The following CDH20 variants were observed in gnomAD, a reference collection of about 807,000 sequenced individuals.
The protein encoded by CDH20 is cadherin 20.
In CDH20, 29 loss-of-function variants were observed where a neutral mutation model predicts 74.2. The observed-to-expected ratio is 0.39, with a 90% confidence interval of 0.29 to 0.53. The LOEUF (loss-of-function observed/expected upper bound fraction) is 0.53, where lower values mean the gene tolerates loss of function less well. Ranked by LOEUF, CDH20 falls within the 20% of genes least tolerant of loss-of-function variation. The pLI is 0.69. For missense variants in CDH20, 988 were observed against 1,048.3 expected (o/e 0.94, Z 0.79); for synonymous variants, 469 against 405.4 (o/e 1.16, Z -1.88).
At chr18:61,347,097 G>T (rs1373408028) in intron 1 of CDH20, among the ~76,000 whole-genome samples, 1 of 151,416 alleles carries the variant, frequency 6.6e-6, no homozygotes, top group Non-Finnish European at 1.5e-5. Context: ...AGGAATGGGA[G>T]AATATGTGGA....
chr18:61,538,578 C>CTTTT (rs148829012), intron 8 of CDH20, among the ~76,000 whole-genome samples: 1 of 34,994 alleles, frequency 2.9e-5, no homozygotes. Flanking sequence ...TAAATAACTA[C>CTTTT]TTTTTGTTTG....
intron 1 of CDH20, among the ~76,000 whole-genome samples, chr18:61,442,371 AAAAAAAAAAAAAAC>A (rs1184486162): frequency 1.4e-3 from 1 of 730 alleles, no homozygotes; most frequent in Non-Finnish European, 0.056. Flanking sequence ...AAAAGAAAAG[AAAAAAAAAAAAAAC>A]AGAAGCAAAT....
intron 9 of CDH20, among the ~76,000 whole-genome samples, chr18:61,539,371 T>C (rs549197873): frequency 2.6e-5 from 4 of 152,310 alleles, no homozygotes; most frequent in African/African-American, 9.6e-5. Flanking sequence ...TTTTGGAGGC[T>C]GAGGCAGGAA....
At chr18:61,384,650 G>T (rs114598468) in intron 1 of CDH20, among the ~76,000 whole-genome samples, 3,197 of 152,132 alleles carry the variant, frequency 0.021, 79 homozygotes, top group African/African-American at 0.064. Context: ...GAATCTACAG[G>T]ATTCTCTTAG....
At chr18:61,547,168 A>AT (rs539134112) in intron 10 of CDH20, among the ~76,000 whole-genome samples, 1 of 151,870 alleles carries the variant, frequency 6.6e-6, no homozygotes, top group South Asian at 2.1e-4. Context: ...ATCCCTAACA[A>AT]TTTTTTTTAA....
chr18:61,466,642 T>A (rs1193825677), intron 1 of CDH20, among the ~76,000 whole-genome samples: 1 of 152,200 alleles, frequency 6.6e-6, no homozygotes, highest in Non-Finnish European at 1.5e-5. Flanking sequence ...CAGCTTCCCA[T>A]GAGGTATCTA....
At position 61,366,519 on chromosome 18, in the gene CDH20, A is replaced by G. The variant is rs147338234; in HGVS notation, c.-153+32692A>G. ...ATTACATAAATCCTTATTCTTTTTT[A>G]TAACAAGTGTTTGATTTTTTAAAAG... On this transcript the variant is annotated intron_variant, in intron 1 of 11. Transcript: ENST00000262717. Among the ~76,000 whole-genome samples, 58 of 152,292 alleles carry G rather than the reference A, an allele frequency of 3.8e-4. No individual in the cohort carries two copies. In the East Asian group the frequency reaches 0.01, roughly 26 times the overall value.
intron 1 of CDH20, among the ~76,000 whole-genome samples, chr18:61,414,367 G>C (rs960135113): frequency 1.5e-4 from 23 of 152,162 alleles, no homozygotes; most frequent in Admixed American, 1.4e-3. Flanking sequence ...TCAGCCATGT[G>C]AATGTATTCG....
Position 61,502,209 on chromosome 18 carries a change from T to C in CDH20, c.662-744T>C, listed in dbSNP as rs540430901. On this transcript the variant is annotated intron_variant, in intron 4 of 11. Transcript: ENST00000262717. The stretch of plus-strand genomic sequence containing the variant: ...GAGACAAAACATTACTGTACAGGCT[T>C]GGCAGGATCACAACACATTTCAACG... 3.9e-5 allele frequency among the ~76,000 whole-genome samples: 6 copies of C among 152,300 alleles called. No homozygotes were observed. In the East Asian group the frequency reaches 1.2e-3, roughly 29 times the overall value.
At chr18:61,521,384 G>A (rs966115993) in intron 6 of CDH20, among the ~76,000 whole-genome samples, 1 of 151,182 alleles carries the variant, frequency 6.6e-6, no homozygotes, top group African/African-American at 2.5e-5. Context: ...GTAAGAAGTC[G>A]AATCCCTGAA....
At chr18:61,516,358 T>C (rs1006408669) in intron 6 of CDH20, among the ~76,000 whole-genome samples, 12 of 152,216 alleles carry the variant, frequency 7.9e-5, no homozygotes, top group Non-Finnish European at 7.3e-5. Flanking sequence ...GTCATAGCTT[T>C]TGCCCTTGAG....
intron 1 of CDH20, among the ~76,000 whole-genome samples, chr18:61,385,746 A>C (rs1911575674): frequency 6.6e-6 from 1 of 152,114 alleles, no homozygotes; most frequent in Non-Finnish European, 1.5e-5. Flanking sequence ...GCTGGCCAAC[A>C]TGGTGAAACC....
chr18:61,523,559 C>T (rs1205852675), intron 6 of CDH20, among the ~76,000 whole-genome samples: 1 of 152,064 alleles, frequency 6.6e-6, no homozygotes, highest in Non-Finnish European at 1.5e-5. Flanking sequence ...CCCAGCAATC[C>T]CATTACTGGG....
chr18:61,490,450 G>C lies in CDH20; in HGVS notation c.-104G>C, dbSNP rs1473164910. ...CTTGAAACGGGATCTCATTTAGGAA[G>C]CATAAGTGTCCAATCAAAAACTGTG... On this transcript the variant is annotated 5_prime_UTR_variant, in exon 2 of 12. Coordinates refer to ENST00000262717, the MANE Select transcript of CDH20 (RefSeq NM_031891.4). The C allele has an allele frequency of 1.8e-6, 2 of 1,125,582 alleles. No homozygotes were observed. The highest frequency in any genetic ancestry group is 4.7e-5 in the East Asian group (2 of 42,294). The allele number at this position is 1,125,582 out of a possible 1,614,324, so 69.7% of individuals were successfully genotyped here. A position where few individuals can be genotyped will look rare whatever the true frequency, so the allele number is the denominator to read the frequency against.
chr18:61,343,703 C>A (rs989745735), intron 1 of CDH20, among the ~76,000 whole-genome samples: 31 of 152,158 alleles, frequency 2.0e-4, no homozygotes, highest in African/African-American at 7.2e-4. Flanking sequence ...AAATAGCCGA[C>A]CTGACACAGA....
chr18:61,502,272 T>C (rs771610419), intron 4 of CDH20, among the ~76,000 whole-genome samples: 1 of 152,152 alleles, frequency 6.6e-6, no homozygotes, highest in Non-Finnish European at 1.5e-5. Context: ...TGAAACCGTA[T>C]CTGCTGCTTG....
At chr18:61,537,277 T>G (rs1440726036) in intron 8 of CDH20, among the ~76,000 whole-genome samples, 1 of 152,128 alleles carries the variant, frequency 6.6e-6, no homozygotes, top group African/African-American at 2.4e-5. Context: ...TTTGGCAATA[T>G]GTATTGAGAT....
intron 1 of CDH20, among the ~76,000 whole-genome samples, chr18:61,460,886 TG>T (rs1909742877): frequency 6.6e-6 from 1 of 152,204 alleles, no homozygotes; most frequent in South Asian, 2.1e-4. Context: ...GTATTTATTT[TG>T]AAGTAATTTT....
intron 10 of CDH20, among the ~76,000 whole-genome samples, chr18:61,545,659 T>C (rs933451969): frequency 4.0e-4 from 61 of 151,486 alleles, no homozygotes; most frequent in African/African-American, 1.4e-3. Flanking sequence ...TACAATAAAA[T>C]AAAAAACCCC....
Sources: allele counts gnomAD v4.1 joint callset (sites outside exome capture counted in the v4.1 genomes callset), GRCh38; gene constraint gnomAD v4.1.1; transcripts MANE v1.5; gene names NCBI Gene and HGNC (gene_info 2026-07-23, HGNC 2026-07-21).